Variants in PTPRN2 observed in about 807,000 individuals in gnomAD.
PTPRN2 encodes the protein protein tyrosine phosphatase receptor type N2.
PTPRN2 carries 74 observed loss-of-function variants against 118.8 expected under a neutral mutation model. That is an observed-to-expected ratio of 0.62 (90% CI 0.52 to 0.76). The LOEUF is 0.76. PTPRN2 is among the 30% of genes least tolerant of loss of function. The pLI is 0.00. For synonymous variants in PTPRN2, 641 were observed against 608.0 expected (o/e 1.05, Z -0.80); for missense variants, 1,481 against 1,394.4 (o/e 1.06, Z -0.99).
intron 15 of PTPRN2, among the ~76,000 whole-genome samples, 165 bp downstream of exon 15, chr7:157,621,197 A>C (rs12670875): frequency 0.36 from 6,025 of 16,540 alleles, 269 homozygotes; most frequent in Admixed American, 0.38. Flanking sequence ...CACTGCCTGT[A>C]ACCCAGGCCT....
chr7:157,927,970 G>A (rs769184080), intron 11 of PTPRN2, among the ~76,000 whole-genome samples: 3 of 152,130 alleles, frequency 2.0e-5, no homozygotes, highest in Non-Finnish European at 4.4e-5. Flanking sequence ...CAGGAGAGCT[G>A]CCCGACGCTT....
intron 11 of PTPRN2, among the ~76,000 whole-genome samples, chr7:158,071,549 CCTGGTGGTGG>C (rs1811676251): frequency 4.3e-5 from 2 of 46,644 alleles, no homozygotes; most frequent in Non-Finnish European, 8.7e-5. Context: ...TGGAGGTGCT[CCTGGTGGTGG>C]AGGTGCTCCT....
Position 157,794,225 on chromosome 7 carries a change from C to T in PTPRN2, c.1788+104448G>A, listed in dbSNP as rs139984647. On this transcript the variant is annotated intron_variant, in intron 12 of 22. Coordinates refer to ENST00000389418, the MANE Select transcript of PTPRN2 (RefSeq NM_002847.5). This position sits in a 1 kb window ranked among gnomAD's most constrained non-coding sequence, Gnocchi z 5.2. ...ACCTCCGACCCGGGCTCACACCTCC[C>T]CTCGTTCTCTGCTCCGACCCGGGCT... Among the ~76,000 whole-genome samples, 6,838 of 149,214 alleles carry T rather than the reference C, an allele frequency of 0.046. 711 individuals carry two copies. Among genetic ancestry groups the T allele is most frequent in the African/African-American group, 0.16 (6,304 of 39,110 alleles).
intron 22 of PTPRN2, among the ~76,000 whole-genome samples, chr7:157,546,239 G>A (rs1349263417): frequency 1.3e-5 from 2 of 152,166 alleles, no homozygotes; most frequent in Non-Finnish European, 2.9e-5. Context: ...GGGCAACAGG[G>A]CTGGGGTGTG....
intron 1 of PTPRN2, among the ~76,000 whole-genome samples, chr7:158,500,293 A>T (rs1193860252): frequency 6.6e-6 from 1 of 152,234 alleles, no homozygotes; most frequent in East Asian, 1.9e-4. Context: ...CTGACACTTT[A>T]GGAGGATAGT....
At chr7:157,655,040 C>G (rs1805976347) in intron 14 of PTPRN2, among the ~76,000 whole-genome samples, 1 of 152,198 alleles carries the variant, frequency 6.6e-6, no homozygotes, top group Non-Finnish European at 1.5e-5. Flanking sequence ...GAGGTTCTGC[C>G]AAAGTCGATG....
At chr7:158,531,852 G>C (rs147094912) in intron 1 of PTPRN2, among the ~76,000 whole-genome samples, 1 of 152,124 alleles carries the variant, frequency 6.6e-6, no homozygotes, top group Admixed American at 6.5e-5. Context: ...TCCCAGCCAC[G>C]CTGGCTCCAA....
chr7:158,432,917 A>C (rs933140513), intron 2 of PTPRN2, among the ~76,000 whole-genome samples: 1 of 152,218 alleles, frequency 6.6e-6, no homozygotes, highest in African/African-American at 2.4e-5. Flanking sequence ...TTTACAGAAC[A>C]AACACTCCCA....
chr7:157,752,679 G>A (rs148741025), intron 12 of PTPRN2, among the ~76,000 whole-genome samples: 65 of 152,278 alleles, frequency 4.3e-4, no homozygotes, highest in Non-Finnish European at 7.4e-4. Context: ...CTCTGTTTCC[G>A]TCTTCCTGCC....
intron 1 of PTPRN2, among the ~76,000 whole-genome samples, chr7:158,528,423 C>T (rs1376382637): frequency 6.6e-6 from 1 of 152,160 alleles, no homozygotes; most frequent in Non-Finnish European, 1.5e-5. Context: ...AAAGCGTCAC[C>T]TGGTGTATCA....
At chr7:158,322,423 G>A (rs979994465) in intron 2 of PTPRN2, among the ~76,000 whole-genome samples, 5 of 151,830 alleles carry the variant, frequency 3.3e-5, no homozygotes, top group Non-Finnish European at 7.4e-5. Flanking sequence ...CCGACCTGAG[G>A]ACATCGAGGA....
intron 21 of PTPRN2, among the ~76,000 whole-genome samples, chr7:157,557,150 CACAT>C (rs1192585334): frequency 6.6e-6 from 1 of 151,060 alleles, no homozygotes; most frequent in Non-Finnish European, 1.5e-5. Flanking sequence ...CATATATACT[CACAT>C]GCATGCACAC....
At chr7:158,253,781 T>G (rs1039412478) in intron 3 of PTPRN2, among the ~76,000 whole-genome samples, 2 of 152,208 alleles carry the variant, frequency 1.3e-5, no homozygotes, top group Admixed American at 1.3e-4. Flanking sequence ...ATAACTCTTT[T>G]TAAGAGCAGG....
At chr7:158,096,875 G>A (rs1814669513) in intron 10 of PTPRN2, among the ~76,000 whole-genome samples, 1 of 152,196 alleles carries the variant, frequency 6.6e-6, no homozygotes, top group Admixed American at 6.5e-5. Flanking sequence ...CCTCCCCTGG[G>A]GCTCCTGGGA....
chr7:158,496,133 A>G (rs980328530), intron 1 of PTPRN2, among the ~76,000 whole-genome samples: 2 of 151,694 alleles, frequency 1.3e-5, no homozygotes, highest in African/African-American at 4.8e-5. Context: ...CCACCTCCAC[A>G]TGAGAGGGAC....
At chr7:158,344,752 T>G (rs1464883208) in intron 2 of PTPRN2, among the ~76,000 whole-genome samples, 1 of 152,026 alleles carries the variant, frequency 6.6e-6, no homozygotes, top group African/African-American at 2.4e-5. Context: ...ATTTGCAATG[T>G]GCAGGAACAG....
chr7:158,227,653 C>T (rs1390003666), intron 3 of PTPRN2, among the ~76,000 whole-genome samples: 1 of 152,208 alleles, frequency 6.6e-6, no homozygotes, highest in Non-Finnish European at 1.5e-5. Flanking sequence ...GCTCAAAATG[C>T]TCTTTACGGA....
chr7:158,078,320 T>C (rs1812536330), intron 11 of PTPRN2, among the ~76,000 whole-genome samples: 1 of 152,174 alleles, frequency 6.6e-6, no homozygotes, highest in Admixed American at 6.5e-5. Flanking sequence ...CCATTGGGCT[T>C]CCAGGCAGCT....
At chr7:158,440,815 GTA>G (rs1816965250) in intron 2 of PTPRN2, among the ~76,000 whole-genome samples, 18 of 38,114 alleles carry the variant, frequency 4.7e-4, no homozygotes, top group Admixed American at 9.0e-4. Context: ...GATGGTGGTA[GTA>G]GTAGTGGTGG....
Sources: gnomAD v4.1 joint callset for allele counts (sites outside exome capture counted in the v4.1 genomes callset) on GRCh38, gnomAD v4.1.1 for gene constraint, Gnocchi (gnomAD v3.1) non-coding constraint, MANE v1.5 for transcripts, NCBI Gene and HGNC (gene_info 2026-07-23, HGNC 2026-07-21) for gene names.